Variants in KLF8 observed in about 807,000 individuals in gnomAD.
The protein encoded by KLF8 is KLF transcription factor 8.
A neutral mutation model predicts 18.2 loss-of-function variants in KLF8; 10 were observed. The observed-to-expected ratio is 0.55, with a 90% CI of 0.34 to 0.93. KLF8 has a LOEUF of 0.93. Among genes scored for constraint, KLF8 ranks in the 40% least tolerant of loss-of-function variants. The pLI, the probability that KLF8 is intolerant of heterozygous loss-of-function variation, is 0.02. For synonymous variants in KLF8, 109 were observed against 97.3 expected (o/e 1.12, Z -0.71); for missense variants, 264 against 277.9 (o/e 0.95, Z 0.36).
the KLF8 span, among the ~76,000 whole-genome samples, chrX:55,925,400 GCACACACACACACACGCACA>G: frequency 1.5e-4 from 16 of 107,688 alleles, no homozygotes; most frequent in Admixed American, 1.2e-3. Context: ...ACACACGCAT[GCACACACACACACACGCACA>G]CACACACTAC....
chrX:56,029,804 T>A, the KLF8 span, among the ~76,000 whole-genome samples: 3 of 111,920 alleles, frequency 2.7e-5, no homozygotes, highest in African/African-American at 9.8e-5. Context: ...AGAACACCCC[T>A]TTCCCTGTCC....
chrX:56,097,405 C>A, the KLF8 span, among the ~76,000 whole-genome samples: 1 of 104,223 alleles, frequency 9.6e-6, no homozygotes, highest in East Asian at 3.0e-4. Context: ...CTATAGCTCA[C>A]TGCAGCCTTT....
chrX:56,266,640 A>T (rs990802487), intron 3 of KLF8: 1 of 751,401 alleles, frequency 1.3e-6, no homozygotes. Flanking sequence ...TCCCCCAACC[A>T]CTAGTTTTCC....
chrX:56,138,924 G>A, the KLF8 span, among the ~76,000 whole-genome samples: 2 of 111,123 alleles, frequency 1.8e-5, no homozygotes, highest in South Asian at 7.7e-4. Flanking sequence ...AAAGCCCATA[G>A]TCTCAGCCCA....
the KLF8 span, among the ~76,000 whole-genome samples, chrX:56,033,419 G>T: frequency 9.1e-6 from 1 of 110,048 alleles, no homozygotes; most frequent in Non-Finnish European, 1.9e-5. Flanking sequence ...AATTTTTTTT[G>T]ATGGGCACTT....
chrX:55,958,748 T>C, the KLF8 span, among the ~76,000 whole-genome samples: 1 of 112,388 alleles, frequency 8.9e-6, no homozygotes, highest in Admixed American at 9.4e-5. Context: ...ATTTAAGCAC[T>C]GATTAGAGAG....
At chrX:56,256,680 T>C (rs983527805) in intron 2 of KLF8, among the ~76,000 whole-genome samples, 1 of 111,995 alleles carries the variant, frequency 8.9e-6, no homozygotes, top group African/African-American at 3.3e-5. Flanking sequence ...CACTGGTCAT[T>C]CAGGAGCAAT....
At chrX:56,125,029 C>T in the KLF8 span, among the ~76,000 whole-genome samples, 1 of 112,278 alleles carries the variant, frequency 8.9e-6, no homozygotes, top group Non-Finnish European at 1.9e-5. Context: ...GTCTGAGTCA[C>T]TTCAGTGTCT....
chrX:56,182,450 G>A, the KLF8 span, among the ~76,000 whole-genome samples: 1 of 112,149 alleles, frequency 8.9e-6, no homozygotes, highest in Non-Finnish European at 1.9e-5. Flanking sequence ...CTGATCTTCT[G>A]AGGCCCACTT....
chrX:55,933,843 G>T, the KLF8 span, among the ~76,000 whole-genome samples: 2 of 111,924 alleles, frequency 1.8e-5, no homozygotes, highest in African/African-American at 6.5e-5. Flanking sequence ...TTTTAAGGTT[G>T]CATTTCAAAT....
chrX:56,146,690 T>C, the KLF8 span, among the ~76,000 whole-genome samples: 1 of 93,227 alleles, frequency 1.1e-5, no homozygotes, highest in Non-Finnish European at 2.1e-5. Context: ...TCTGCACATA[T>C]ACCCCAGAAC....
the KLF8 span, among the ~76,000 whole-genome samples, chrX:55,987,589 C>A: frequency 8.9e-6 from 1 of 112,168 alleles, no homozygotes; most frequent in Non-Finnish European, 1.9e-5. Context: ...TTTTCTTAAT[C>A]CAGTCTATCA....
the KLF8 span, among the ~76,000 whole-genome samples, chrX:56,138,271 T>C: frequency 3.6e-5 from 4 of 111,312 alleles, no homozygotes; most frequent in African/African-American, 1.3e-4. Flanking sequence ...CTACTGAAAC[T>C]ATTTCAAAAA....
chrX:56,164,685 G>C, the KLF8 span, among the ~76,000 whole-genome samples: 2 of 86,608 alleles, frequency 2.3e-5, no homozygotes, highest in East Asian at 3.8e-4. Context: ...CCACTGTTCT[G>C]TCTGCTCAGT....
At chrX:56,081,560 T>C in the KLF8 span, among the ~76,000 whole-genome samples, 3 of 112,176 alleles carry the variant, frequency 2.7e-5, no homozygotes, top group East Asian at 8.4e-4. Flanking sequence ...TTGTTCCTGA[T>C]TTTATTGGGA....
chrX:56,164,729 C>CTTTTTTTTTTTTTTTTTTTTTCTTTTT, the KLF8 span, among the ~76,000 whole-genome samples: 1 of 51,920 alleles, frequency 1.9e-5, no homozygotes, highest in Admixed American at 2.5e-4. Flanking sequence ...CTTGTTATCT[C>CTTTTTTTTTTTTTTTTTTTTTCTTTTT]TTTTTTTTTT....
chrX:56,275,034 A>G (rs2067103744), intron 5 of KLF8, among the ~76,000 whole-genome samples: 1 of 111,561 alleles, frequency 9.0e-6, no homozygotes, highest in Admixed American at 9.5e-5. Flanking sequence ...CTATTTATGC[A>G]GAGGATTGTC....
At chrX:56,268,027 C>T (rs1216987111) in intron 3 of KLF8, 1 of 110,719 alleles carries the variant, frequency 9.0e-6, no homozygotes, top group Non-Finnish European at 1.9e-5. Flanking sequence ...TTTTTAGATT[C>T]CACATATGAG....
the KLF8 span, among the ~76,000 whole-genome samples, chrX:55,927,113 G>T: frequency 8.9e-6 from 1 of 111,826 alleles, no homozygotes; most frequent in Non-Finnish European, 1.9e-5. Flanking sequence ...ATTTTCTTGG[G>T]TTAGAAAACA....
Sources: allele counts gnomAD v4.1 joint callset (sites outside exome capture counted in the v4.1 genomes callset), GRCh38; gene constraint gnomAD v4.1.1; transcripts MANE v1.5; gene names NCBI Gene and HGNC (gene_info 2026-07-23, HGNC 2026-07-21).